Variants in RBFOX1 observed in about 807,000 individuals in gnomAD.
RBFOX1 encodes the protein RNA binding fox-1 homolog 1, also known as RNA binding protein fox-1 homolog 1.
In RBFOX1, 8 loss-of-function variants were observed where a neutral mutation model predicts 57.7. The ratio of observed to expected loss-of-function variants is 0.14; its 90% confidence interval spans 0.08 to 0.25. The LOEUF (loss-of-function observed/expected upper bound fraction) is 0.25, where lower values mean the gene tolerates loss of function less well. Ranked by LOEUF, RBFOX1 falls within the 10% of genes least tolerant of loss-of-function variation. The pLI, the probability that RBFOX1 is intolerant of heterozygous loss-of-function variation, is 1.00. For missense variants in RBFOX1, 611 were observed against 548.5 expected, an observed-to-expected ratio of 1.11 and a Z score of -1.14; for synonymous variants, 326 against 222.4, an observed-to-expected ratio of 1.47 and a Z score of -4.15.
intron 10 of RBFOX1, among the ~76,000 whole-genome samples, chr16:7,627,535 G>T (rs2060267458): frequency 6.6e-6 from 1 of 152,164 alleles, no homozygotes; most frequent in African/African-American, 2.4e-5. Flanking sequence ...TTATGTTGAA[G>T]GCTAGGGACA....
intron 3 of RBFOX1, among the ~76,000 whole-genome samples, chr16:6,816,712 C>A (rs968071692): frequency 7.0e-6 from 1 of 143,360 alleles, no homozygotes; most frequent in South Asian, 2.2e-4. Flanking sequence ...TGCACTCCAG[C>A]CTGGGTGACA....
intron 1 of RBFOX1, among the ~76,000 whole-genome samples, chr16:5,378,542 C>A (rs2066049089): frequency 6.6e-6 from 1 of 151,432 alleles, no homozygotes; most frequent in Non-Finnish European, 1.5e-5. Context: ...AGCAGAACCT[C>A]CACTAGGGCA....
intron 5 of RBFOX1, among the ~76,000 whole-genome samples, chr16:7,552,842 C>G (rs892849721): frequency 6.6e-6 from 1 of 152,024 alleles, no homozygotes; most frequent in Non-Finnish European, 1.5e-5. Flanking sequence ...GCCACAACCC[C>G]CGGCTAATTT....
chr16:6,106,421 G>A (rs144616105), intron 1 of RBFOX1, among the ~76,000 whole-genome samples: 2,236 of 134,972 alleles, frequency 0.017, 64 homozygotes, highest in African/African-American at 0.059. Context: ...AGCCAAGATC[G>A]TGCCACTGTA....
chr16:5,904,561 G>A (rs1213443293), intron 4 of RBFOX1, among the ~76,000 whole-genome samples: 1 of 151,962 alleles, frequency 6.6e-6, no homozygotes, highest in Non-Finnish European at 1.5e-5. Flanking sequence ...AGACCATGGT[G>A]TGGTCTCTGT....
chr16:5,370,745 G>A (rs1040001644), intron 1 of RBFOX1, among the ~76,000 whole-genome samples: 5 of 151,878 alleles, frequency 3.3e-5, no homozygotes, highest in East Asian at 1.9e-4. Flanking sequence ...CTCCCACCTT[G>A]GCCTCCCAGA....
chr16:6,826,266 C>T (rs1055001558), intron 3 of RBFOX1, among the ~76,000 whole-genome samples: 1 of 152,082 alleles, frequency 6.6e-6, no homozygotes, highest in South Asian at 2.1e-4. Context: ...AATCCCAGCA[C>T]TTTGGGGAGG....
chr16:5,818,818 C>T (rs941886739), intron 3 of RBFOX1, among the ~76,000 whole-genome samples: 20 of 152,156 alleles, frequency 1.3e-4, no homozygotes, highest in Non-Finnish European at 2.9e-4. Flanking sequence ...TCTATGCATA[C>T]CTCATGCTCA....
At chr16:6,646,395 C>G (rs1475044878) in intron 2 of RBFOX1, among the ~76,000 whole-genome samples, 2 of 152,042 alleles carry the variant, frequency 1.3e-5, no homozygotes, top group South Asian at 2.1e-4. Flanking sequence ...TAAATTAATC[C>G]TGACAAGAAT....
intron 5 of RBFOX1, among the ~76,000 whole-genome samples, chr16:7,555,919 C>T (rs1046093738): frequency 6.6e-6 from 1 of 152,192 alleles, no homozygotes; most frequent in Non-Finnish European, 1.5e-5. Flanking sequence ...CTTCATCTTC[C>T]TCCTGCTCTC....
At chr16:6,266,739 GA>G (rs1411936381) in intron 1 of RBFOX1, among the ~76,000 whole-genome samples, 1 of 151,530 alleles carries the variant, frequency 6.6e-6, no homozygotes, top group Non-Finnish European at 1.5e-5. Context: ...AGAAGAAGAA[GA>G]AGAATCTATT....
chr16:6,015,494 A>C (rs1006334218), upstream of RBFOX1, among the ~76,000 whole-genome samples: 3 of 152,192 alleles, frequency 2.0e-5, no homozygotes, highest in Admixed American at 6.5e-5. Context: ...ACGCCTTACA[A>C]ATCATTTCAG....
chr16:6,473,397 ATC>A (rs1301412381), intron 2 of RBFOX1, among the ~76,000 whole-genome samples: 3 of 152,104 alleles, frequency 2.0e-5, no homozygotes, highest in Admixed American at 1.3e-4. Flanking sequence ...CTAGCATCTT[ATC>A]GAAGGTATGT....
chr16:6,736,040 G>T (rs568571486), intron 3 of RBFOX1, among the ~76,000 whole-genome samples: 39 of 149,542 alleles, frequency 2.6e-4, no homozygotes, highest in Non-Finnish European at 8.9e-5. Context: ...TTTCAGCATG[G>T]TTACCCCAAT....
chr16:7,589,912 G>GGTGTGTGTGTGTGT (rs3029164), intron 7 of RBFOX1, among the ~76,000 whole-genome samples: 3,768 of 134,974 alleles, frequency 0.028, 126 homozygotes, highest in South Asian at 0.048. Flanking sequence ...GTGTGTGCTG[G>GGTGTGTGTGTGTGT]GTGTGTGTGT....
chr16:7,024,824 G>A (rs1156374005), intron 3 of RBFOX1, among the ~76,000 whole-genome samples: 2 of 152,148 alleles, frequency 1.3e-5, no homozygotes, highest in Non-Finnish European at 2.9e-5. Flanking sequence ...TGTTAACCAC[G>A]ATGGTTCTCA....
At chr16:6,653,320 T>C (rs1188106971) in intron 2 of RBFOX1, among the ~76,000 whole-genome samples, 1 of 152,178 alleles carries the variant, frequency 6.6e-6, no homozygotes, top group East Asian at 1.9e-4. Context: ...ATGCTTGTCT[T>C]GTCCAGAAGA....
intron 4 of RBFOX1, among the ~76,000 whole-genome samples, chr16:7,248,005 A>G (rs539329788): frequency 2.2e-4 from 34 of 152,176 alleles, no homozygotes; most frequent in Non-Finnish European, 4.0e-4. Flanking sequence ...AGTTTACCCA[A>G]ATAACAAACC....
At chr16:6,081,535 C>A (rs981133248) in intron 1 of RBFOX1, among the ~76,000 whole-genome samples, 1 of 152,198 alleles carries the variant, frequency 6.6e-6, no homozygotes, top group African/African-American at 2.4e-5. Context: ...TTGCTCTCTG[C>A]TGCCCCCTGT....
Sources: gnomAD v4.1 joint callset for allele counts (sites outside exome capture counted in the v4.1 genomes callset) on GRCh38, gnomAD v4.1.1 for gene constraint, MANE v1.5 for transcripts, NCBI Gene and HGNC (gene_info 2026-07-23, HGNC 2026-07-21) for gene names.